Variants in DLC1 observed in about 807,000 individuals in gnomAD.
DLC1 encodes rho GTPase-activating protein 7.
In DLC1, 54 loss-of-function variants were observed where a neutral mutation model predicts 140.3. The ratio of observed to expected loss-of-function variants is 0.38; its 90% CI spans 0.31 to 0.48. The LOEUF is 0.48. Ranked by LOEUF, DLC1 falls within the 20% of genes least tolerant of loss-of-function variation. The pLI is 0.96. For missense variants in DLC1, 2,536 were observed against 1,907.0 expected (o/e 1.33, Z -6.14); for synonymous variants, 986 against 728.1 (o/e 1.35, Z -5.70).
intron 1 of DLC1, among the ~76,000 whole-genome samples, chr8:13,570,012 C>G (rs956034166): frequency 1.3e-5 from 2 of 152,230 alleles, no homozygotes; most frequent in Non-Finnish European, 2.9e-5. Context: ...AGGCACGAGC[C>G]ACTGTGCCCA....
At chr8:13,232,584 G>T (rs1236918574) in intron 5 of DLC1, among the ~76,000 whole-genome samples, 2 of 152,150 alleles carry the variant, frequency 1.3e-5, no homozygotes, top group Non-Finnish European at 2.9e-5. Flanking sequence ...ACTTGCCTCG[G>T]CCTCCCAAAG....
rs1341666475 is a variant in DLC1, at chr8:13,499,080, G to C, written c.992C>G (p.Thr331Arg). ...LKETLATQEP[T>R]DNQVRLRKRK... Reference sequence around the variant, plus strand: ...CTTACGAAGTCTGACTTGGTTATCTGTGGGTTCCTGGGTGGCCAGGGTCTC... The same window carrying C: ...CTTACGAAGTCTGACTTGGTTATCTCTGGGTTCCTGGGTGGCCAGGGTCTC... The change falls in exon 2 of 18, where the codon ACA becomes AGA. Residue 331 changes from threonine to arginine, a missense_variant. Thr to Arg is a moderately conservative substitution (Grantham distance 71). Coordinates refer to ENST00000276297, the MANE Select transcript of DLC1 (RefSeq NM_182643.3). 1 of 1,613,070 alleles carries C rather than the reference G, an allele frequency of 6.2e-7. No homozygotes were observed. Among genetic ancestry groups the C allele is most frequent in the Non-Finnish European group, 8.5e-7 (1 of 1,179,614 alleles).
At chr8:13,540,801 C>G (rs952078231) in intron 1 of DLC1, among the ~76,000 whole-genome samples, 1 of 152,198 alleles carries the variant, frequency 6.6e-6, no homozygotes, top group African/African-American at 2.4e-5. Flanking sequence ...TAGCTATCTA[C>G]AAGCATGGTT....
intron 2 of DLC1, among the ~76,000 whole-genome samples, chr8:13,455,852 G>C (rs982954070): frequency 2.6e-5 from 4 of 151,828 alleles, no homozygotes; most frequent in Non-Finnish European, 4.4e-5. Context: ...CTCTGGCCTG[G>C]GCAACAGCAG....
intron 2 of DLC1, among the ~76,000 whole-genome samples, chr8:13,466,968 G>A (rs34910079): frequency 0.81 from 122,743 of 151,548 alleles, 51,185 homozygotes; most frequent in Middle Eastern, 0.94. Context: ...ACCCCTCCAC[G>A]TTATTGACTC....
At chr8:13,157,219 C>T (rs549271221) in intron 5 of DLC1, among the ~76,000 whole-genome samples, 3 of 152,212 alleles carry the variant, frequency 2.0e-5, no homozygotes, top group African/African-American at 7.2e-5. Context: ...TATAAGCAAA[C>T]AAGTCTGAAA....
intron 2 of DLC1, among the ~76,000 whole-genome samples, chr8:13,443,392 G>A (rs1346625188): frequency 6.7e-6 from 1 of 149,998 alleles, no homozygotes; most frequent in Non-Finnish European, 1.5e-5. Context: ...AGGCATGGTG[G>A]CTCACGCCTG....
At chr8:13,129,436 A>C (rs1821894284) in intron 5 of DLC1, among the ~76,000 whole-genome samples, 1 of 152,240 alleles carries the variant, frequency 6.6e-6, no homozygotes, top group Admixed American at 6.5e-5. Context: ...TGCAACATGA[A>C]GGAACGTATT....
rs769002813 is a variant in DLC1 at position 13,100,380 on chromosome 8, T to TGCTGAA, written c.1951_1956dup (p.Phe651_Ser652dup). The TGCTGAA allele has an allele frequency of 1.5e-4, 239 of 1,614,092 alleles. No individual in the cohort carries two copies. The highest frequency in any genetic ancestry group is 1.9e-4 in the Non-Finnish European group (227 of 1,180,046). On this transcript the variant is annotated inframe_insertion, in exon 9 of 18. Transcript: ENST00000276297. ...TTGGCAGTTTTTTCGTGGCCTTTCA[T>TGCTGAA]GCTGAAGCTGAAGCTGGACAGTTCC...
At chr8:13,384,751 C>G (rs1836437835) in intron 4 of DLC1, among the ~76,000 whole-genome samples, 1 of 152,090 alleles carries the variant, frequency 6.6e-6, no homozygotes, top group Non-Finnish European at 1.5e-5. Flanking sequence ...TGTCTGCTGT[C>G]TTTTACATTT....
chr8:13,180,092 C>G (rs1825953842), intron 5 of DLC1, among the ~76,000 whole-genome samples: 1 of 152,016 alleles, frequency 6.6e-6, no homozygotes, highest in South Asian at 2.1e-4. Context: ...AGGTACTTAT[C>G]CAAGGGAGAT....
intron 7 of DLC1, 128 bp from the exon 8 acceptor site, chr8:13,102,981 A>G (rs1819222207): frequency 4.1e-6 from 3 of 735,472 alleles, no homozygotes; most frequent in Admixed American, 5.7e-5. Flanking sequence ...TAATACCTAG[A>G]GGAGTATTAG....
At chr8:13,298,313 C>T (rs1202580531) in intron 5 of DLC1, among the ~76,000 whole-genome samples, 1 of 152,172 alleles carries the variant, frequency 6.6e-6, no homozygotes, top group African/African-American at 2.4e-5. Context: ...TTCTGTGGCA[C>T]AGATCCCCAA....
chr8:13,158,081 A>C (rs993928924), intron 5 of DLC1, among the ~76,000 whole-genome samples: 3 of 152,216 alleles, frequency 2.0e-5, no homozygotes, highest in Non-Finnish European at 4.4e-5. Flanking sequence ...CAATGAGAGA[A>C]ACTCAAGACA....
At chr8:13,539,718 C>A (rs1448305634) in intron 1 of DLC1, among the ~76,000 whole-genome samples, 1 of 150,458 alleles carries the variant, frequency 6.6e-6, no homozygotes, top group Non-Finnish European at 1.5e-5. Context: ...TGTTTTTGTT[C>A]CTGAAGATGA....
chr8:13,156,980 T>A (rs1307680255), intron 5 of DLC1, among the ~76,000 whole-genome samples: 3 of 152,196 alleles, frequency 2.0e-5, no homozygotes, highest in Non-Finnish European at 4.4e-5. Context: ...AACTGCAACG[T>A]CTGAAATCTG....
Position 13,499,950 on chromosome 8 carries a change from T to C in DLC1, c.122A>G (p.Gln41Arg), listed in dbSNP as rs375441125. Reference protein sequence around the residue: ...CHHGLVADSLQASMEKDATLN... With the variant: ...CHHGLVADSLRASMEKDATLN... ...AGTTGCATCTTTTTCCATACTTGCC[T>C]GCAAGCTGTCAGCTACTAGTCCATG... The change falls in exon 2 of 18, where the codon CAG (glutamine) becomes CGG (arginine). Residue 41 changes from glutamine to arginine, a missense_variant. By Grantham distance (43) the Gln-to-Arg change is conservative. Transcript: ENST00000276297. 35 of 1,614,014 alleles carry C rather than the reference T, an allele frequency of 2.2e-5. No homozygotes were observed. Among genetic ancestry groups the C allele is most frequent in the Non-Finnish European group, 2.9e-5 (34 of 1,180,016 alleles).
rs67684524 is a variant in DLC1, at chr8:13,139,288, CAAAAAAAAAAA to C, written c.1349-23642_1349-23632del. 3.4e-4 allele frequency among the ~76,000 whole-genome samples: 17 copies of C among 49,290 alleles called. No individual in the cohort carries two copies. The South Asian group carries it at 0.012, about 36-fold the overall frequency. 32.3% of individuals were successfully genotyped at this position (49,290 alleles called of 152,430 possible). On this transcript the variant is annotated intron_variant, in intron 5 of 17. Coordinates refer to ENST00000276297, the MANE Select transcript of DLC1 (RefSeq NM_182643.3). ...TGGGCCACAGAGTGAGACCCTGTCT[CAAAAAAAAAAA>C]AAAAAAAAAAAAAAAAAAAAGGAAA...
chr8:13,586,867 C>G (rs1280270951), intron 1 of DLC1, among the ~76,000 whole-genome samples: 1 of 152,094 alleles, frequency 6.6e-6, no homozygotes, highest in Admixed American at 6.6e-5. Flanking sequence ...AGGACATGCT[C>G]TTTACCTAGT....
Sources: allele counts gnomAD v4.1 joint callset (sites outside exome capture counted in the v4.1 genomes callset), GRCh38; gene constraint gnomAD v4.1.1; transcripts MANE v1.5; gene names NCBI Gene and HGNC (gene_info 2026-07-23, HGNC 2026-07-21).